Variants in FGF7 observed in about 807,000 individuals in gnomAD.
FGF7 encodes fibroblast growth factor 7.
FGF7 carries 6 observed loss-of-function variants against 20.5 expected under a neutral mutation model. That is an observed-to-expected ratio of 0.29 (90% CI 0.16 to 0.58). The LOEUF (loss-of-function observed/expected upper bound fraction) is 0.58, where lower values mean the gene tolerates loss of function less well. Ranked by LOEUF, FGF7 falls within the 20% of genes least tolerant of loss-of-function variation. The pLI is 0.90. For synonymous variants in FGF7, 64 were observed against 74.7 expected (o/e 0.86, Z 0.74); for missense variants, 144 against 228.8 (o/e 0.63, Z 2.39).
chr15:49,424,483 G>C lies in FGF7; in HGVS notation c.186G>C (p.Gly62=), dbSNP rs747759102. The change falls in exon 2 of 4, where the codon GGG becomes GGC. Residue 62 remains glycine (G), a synonymous_variant. Coordinates refer to ENST00000267843, the MANE Select transcript of FGF7 (RefSeq NM_002009.4). ...GAAGTTATGATTACATGGAAGGAGG[G>C]GATATAAGAGTGAGAAGACTCTTCT... ...HTRSYDYMEG[G]DIRVRRLFCR... The C allele has an allele frequency of 6.2e-7, 1 of 1,613,458 alleles. No homozygotes were observed. The highest frequency in any genetic ancestry group is 1.1e-5 in the South Asian group (1 of 91,056).
chr15:49,476,548 T>C (rs577754273), intron 2 of FGF7, among the ~76,000 whole-genome samples: 1 of 152,198 alleles, frequency 6.6e-6, no homozygotes, highest in Non-Finnish European at 1.5e-5. Flanking sequence ...AAAAAGAAGT[T>C]ATCCATTGGG....
intron 2 of FGF7, 49 bp from the exon 3 acceptor site, chr15:49,483,102 T>C (rs770578610): frequency 1.9e-6 from 2 of 1,045,950 alleles, no homozygotes; most frequent in East Asian, 2.4e-5. Flanking sequence ...CGTGGATCAT[T>C]TGCAAAACTG....
chr15:49,477,972 T>C (rs541710639), intron 2 of FGF7, among the ~76,000 whole-genome samples: 1 of 152,316 alleles, frequency 6.6e-6, no homozygotes, highest in African/African-American at 2.4e-5. Flanking sequence ...GCAGGTCTGT[T>C]ACCTGGGTAT....
At chr15:49,476,212 G>GTTTTTTTTTTTTTTTTTTTTTTTTT (rs1567351529) in intron 2 of FGF7, among the ~76,000 whole-genome samples, 3 of 81,254 alleles carry the variant, frequency 3.7e-5, no homozygotes, top group Admixed American at 1.3e-4. Flanking sequence ...TTATTTTGCT[G>GTTTTTTTTTTTTTTTTTTTTTTTTT]TTTTGTTTTT....
At chr15:49,470,113 A>T (rs915901513) in intron 2 of FGF7, among the ~76,000 whole-genome samples, 1 of 152,134 alleles carries the variant, frequency 6.6e-6, no homozygotes, top group African/African-American at 2.4e-5. Flanking sequence ...TCTTTTGAAG[A>T]CCACGGTATT....
At chr15:49,438,061 G>A (rs1335168783) in intron 2 of FGF7, among the ~76,000 whole-genome samples, 1 of 151,636 alleles carries the variant, frequency 6.6e-6, no homozygotes, top group East Asian at 1.9e-4. Flanking sequence ...AAAAAGCTGA[G>A]TTGTGTGTCA....
chr15:49,446,008 AT>A (rs2052170047), intron 2 of FGF7, among the ~76,000 whole-genome samples: 1 of 151,524 alleles, frequency 6.6e-6, no homozygotes, highest in South Asian at 2.1e-4. Context: ...CCTTACTGGA[AT>A]AGACATATTT....
chr15:49,457,062 C>T (rs2053365720), intron 2 of FGF7, among the ~76,000 whole-genome samples: 1 of 152,032 alleles, frequency 6.6e-6, no homozygotes, highest in Non-Finnish European at 1.5e-5. Context: ...ATTTTTACTA[C>T]TACACCACCA....
At chr15:49,456,048 T>C (rs569288033) in intron 2 of FGF7, among the ~76,000 whole-genome samples, 10 of 152,256 alleles carry the variant, frequency 6.6e-5, no homozygotes, top group East Asian at 1.9e-4. Context: ...TGACCGCATA[T>C]TGGTGCCACT....
intron 2 of FGF7, among the ~76,000 whole-genome samples, chr15:49,476,969 G>C (rs1252856782): frequency 6.6e-6 from 1 of 151,392 alleles, no homozygotes; most frequent in African/African-American, 2.4e-5. Context: ...CTGAGGCAGG[G>C]AAATGGTGCA....
intron 2 of FGF7, among the ~76,000 whole-genome samples, chr15:49,431,334 T>C (rs953133243): frequency 1.0e-3 from 157 of 151,836 alleles, no homozygotes; most frequent in African/African-American, 3.7e-3. Context: ...AGATTATATC[T>C]GGACATATCT....
intron 2 of FGF7, among the ~76,000 whole-genome samples, chr15:49,440,210 T>C (rs76343116): frequency 0.023 from 3,538 of 151,906 alleles, 88 homozygotes; most frequent in South Asian, 0.13. Flanking sequence ...ACAATATGCA[T>C]TATTACTGTG....
At chr15:49,430,297 G>A (rs1015407001) in intron 2 of FGF7, among the ~76,000 whole-genome samples, 1 of 151,828 alleles carries the variant, frequency 6.6e-6, no homozygotes, top group Admixed American at 6.6e-5. Context: ...AAGTGGTGTT[G>A]CAGTAGGGTA....
chr15:49,437,922 C>T (rs1680113412), intron 2 of FGF7, among the ~76,000 whole-genome samples: 1 of 151,508 alleles, frequency 6.6e-6, no homozygotes, highest in African/African-American at 2.4e-5. Context: ...AAGGGCAATA[C>T]TCTCAAAAAA....
In FGF7 at chr15:49,424,354, T is replaced by G; in HGVS notation, c.57T>G (p.Phe19Leu). The G allele has an allele frequency of 6.2e-7, 1 of 1,613,540 alleles. No homozygotes were observed. The highest frequency in any genetic ancestry group is 8.5e-7 in the Non-Finnish European group (1 of 1,179,568). The part of the protein sequence containing the change: ...ILPTLLYRSC[F>L]HIICLVGTIS... ...CAACTTTGCTCTACAGATCATGCTT[T>G]CACATTATCTGTCTAGTGGGTACTA... The change falls in exon 2 of 4, where the codon TTT (phenylalanine) becomes TTG (leucine). Residue 19 changes from phenylalanine to leucine, a missense_variant. Transcript: ENST00000267843.
intron 2 of FGF7, among the ~76,000 whole-genome samples, chr15:49,453,096 C>G (rs1469037367): frequency 6.6e-6 from 1 of 151,964 alleles, no homozygotes; most frequent in Non-Finnish European, 1.5e-5. Context: ...GGTAATCATC[C>G]TAAAATATTG....
chr15:49,466,585 T>A (rs1182783170), intron 2 of FGF7, among the ~76,000 whole-genome samples: 1 of 152,094 alleles, frequency 6.6e-6, no homozygotes, highest in East Asian at 1.9e-4. Flanking sequence ...ATAACATATA[T>A]CTTATGAATA....
chr15:49,467,823 G>C (rs1204935648), intron 2 of FGF7, among the ~76,000 whole-genome samples: 1 of 152,074 alleles, frequency 6.6e-6, no homozygotes, highest in Non-Finnish European at 1.5e-5. Flanking sequence ...AGAAAGGTGG[G>C]TCCCTTGCAT....
At chr15:49,453,816 G>A (rs1415487026) in intron 2 of FGF7, among the ~76,000 whole-genome samples, 1 of 151,928 alleles carries the variant, frequency 6.6e-6, no homozygotes, top group Non-Finnish European at 1.5e-5. Context: ...GTTCCCAATT[G>A]AATTCAGGAT....
Sources: gnomAD v4.1 joint callset for allele counts (sites outside exome capture counted in the v4.1 genomes callset) on GRCh38, gnomAD v4.1.1 for gene constraint, MANE v1.5 for transcripts, NCBI Gene and HGNC (gene_info 2026-07-23, HGNC 2026-07-21) for gene names.